The following GCNT1 variants were observed in gnomAD, a reference collection of about 807,000 sequenced individuals.
GCNT1 encodes glucosaminyl (N-acetyl) transferase 1, also known as beta-1,3-galactosyl-O-glycosyl-glycoprotein beta-1,6-N-acetylglucosaminyltransferase.
A neutral mutation model predicts 26.2 loss-of-function variants in GCNT1; 16 were observed. The observed-to-expected ratio is 0.61, with a 90% CI of 0.41 to 0.93. The LOEUF is 0.93. Ranked by LOEUF, GCNT1 falls within the 40% of genes least tolerant of loss-of-function variation. GCNT1 has a pLI of 0.00. For missense variants in GCNT1, 477 were observed against 526.7 expected (o/e 0.91, Z 0.92); for synonymous variants, 183 against 190.8 (o/e 0.96, Z 0.34).
rs578119000 is a variant in GCNT1 at position 76,469,985 on chromosome 9, G to C, written c.-290+9808G>C. 2.6e-5 allele frequency among the ~76,000 whole-genome samples: 4 copies of C among 152,222 alleles called. No individual in the cohort carries two copies. The East Asian group carries it at 7.7e-4, about 29-fold the overall frequency. On this transcript the variant is annotated intron_variant, in intron 2 of 3. Coordinates refer to ENST00000376730, the MANE Select transcript of GCNT1 (RefSeq NM_001490.5). ...GAGCTCTGGGAGCAAGGACCCCCTG[G>C]TAACAGTAGTAGATACATAGAATTT...
At chr9:76,460,335 C>A (rs1823844369) in intron 2 of GCNT1, among the ~76,000 whole-genome samples, 158 bp downstream of exon 2, 1 of 152,222 alleles carries the variant, frequency 6.6e-6, no homozygotes, top group South Asian at 2.1e-4. Flanking sequence ...CAAAGAAAGC[C>A]GTGGTGCCTT....
chr9:76,459,042 G>C (rs1206215819), upstream of GCNT1: 1 of 152,330 alleles, frequency 6.6e-6, no homozygotes, highest in Non-Finnish European at 1.5e-5. Flanking sequence ...TCAGTGCCCA[G>C]AGGGCGCCCT....
upstream of GCNT1, among the ~76,000 whole-genome samples, chr9:76,439,261 G>C (rs1037152695): frequency 2.6e-5 from 3 of 115,714 alleles, no homozygotes; most frequent in Admixed American, 1.3e-4. Flanking sequence ...GTCTCACTCT[G>C]TCTCCCAGGC....
At chr9:76,450,523 C>G (rs1301387926) in intron 1 of GCNT1, among the ~76,000 whole-genome samples, 1 of 152,182 alleles carries the variant, frequency 6.6e-6, no homozygotes. Context: ...ATCTCTACAA[C>G]AGAGAGCAGC....
rs1217607545 is a variant in GCNT1, at chr9:76,505,248, AAGTC to A, written c.*1583_*1586del. 1.1e-5 allele frequency: 3 copies of A among 279,196 alleles called. No homozygotes were observed. Among genetic ancestry groups the A allele is most frequent in the Non-Finnish European group, 2.1e-5 (3 of 141,968 alleles). The allele number at this position is 279,196 out of a possible 1,614,324, so 17.3% of individuals were successfully genotyped here. ...TCAACTGAGAAAACTTTATTTGTCA[AAGTC>A]AGAAAACATTTTCATCTTATTGAGA... is the stretch of plus-strand genomic sequence containing the variant. On this transcript the variant is annotated 3_prime_UTR_variant, in exon 4 of 4. Transcript: ENST00000376730.
rs111932037 is a variant in GCNT1 at position 76,503,675 on chromosome 9, C to A, written c.*7C>A. On this transcript the variant is annotated 3_prime_UTR_variant, in exon 4 of 4. Coordinates refer to ENST00000376730, the MANE Select transcript of GCNT1 (RefSeq NM_001490.5). ...GGAGACATTAAAACACTGACCATTA[C>A]GGGCAATTTTATGAACAAGAAGAAG... is the stretch of plus-strand genomic sequence containing the variant. The A allele has an allele frequency of 1.9e-6, 3 of 1,602,170 alleles. No individual in the cohort carries two copies. Among genetic ancestry groups the A allele is most frequent in the African/African-American group, 1.3e-5 (1 of 74,530 alleles).
chr9:76,436,661 A>T (rs1204407378), intron 1 of GCNT1, among the ~76,000 whole-genome samples: 1 of 151,664 alleles, frequency 6.6e-6, no homozygotes, highest in African/African-American at 2.4e-5. Flanking sequence ...TCGTCCATTT[A>T]CTCAAATAAC....
At chr9:76,452,928 A>G (rs181211349) in intron 1 of GCNT1, among the ~76,000 whole-genome samples, 2 of 152,282 alleles carry the variant, frequency 1.3e-5, no homozygotes, top group Admixed American at 1.3e-4. Context: ...CTATTTGAAC[A>G]AGCCAATTAC....
rs1823332186 is a variant in GCNT1, at chr9:76,431,225, A to AAACT, written n.38+11338_38+11339insAACT. Among the ~76,000 whole-genome samples, 3 of 152,274 alleles carry AAACT rather than the reference A, an allele frequency of 2.0e-5. No individual in the cohort carries two copies. In the South Asian group the frequency reaches 6.2e-4, roughly 32 times the overall value. ...GCACTGAAATTTAGTTCTGACACTA[A>AAACT]CCACATGGAGTTAGCATCAGACTCC... On this transcript the variant is annotated intron_variant and non_coding_transcript_variant, in intron 1 of 3. Coordinates refer to the GCNT1 transcript ENST00000488136.
At chr9:76,471,422 C>T (rs970153560) in intron 2 of GCNT1, among the ~76,000 whole-genome samples, 1 of 152,146 alleles carries the variant, frequency 6.6e-6, no homozygotes, top group East Asian at 1.9e-4. Context: ...CAGAATTGCT[C>T]CCAGGAATGT....
chr9:76,479,599 C>G (rs1308393252), intron 2 of GCNT1, among the ~76,000 whole-genome samples: 1 of 152,224 alleles, frequency 6.6e-6, no homozygotes, highest in Non-Finnish European at 1.5e-5. Flanking sequence ...ATTTGCATTT[C>G]TCTGATGGCC....
chr9:76,415,238 G>A (rs1424465198), upstream of GCNT1, among the ~76,000 whole-genome samples: 1 of 152,152 alleles, frequency 6.6e-6, no homozygotes, highest in Middle Eastern at 3.4e-3. Context: ...TGTATTTCTT[G>A]TGGAGACAGA....
the GCNT1 span, among the ~76,000 whole-genome samples, chr9:76,402,074 A>C: frequency 6.6e-6 from 1 of 152,206 alleles, no homozygotes; most frequent in African/African-American, 2.4e-5. Context: ...TGAGGGCTAC[A>C]GTTGTCTTCA....
At chr9:76,446,219 G>T (rs575038558) in intron 1 of GCNT1, among the ~76,000 whole-genome samples, 1 of 152,228 alleles carries the variant, frequency 6.6e-6, no homozygotes, top group South Asian at 2.1e-4. Context: ...CAGAGATTAT[G>T]CAGGAATGCA....
intron 2 of GCNT1, among the ~76,000 whole-genome samples, chr9:76,461,855 C>T (rs1306995871): frequency 6.6e-6 from 1 of 152,236 alleles, no homozygotes; most frequent in Non-Finnish European, 1.5e-5. Context: ...TGCCACTGCA[C>T]TCAAGCCTGG....
chr9:76,436,866 C>G (rs921582432), upstream of GCNT1, among the ~76,000 whole-genome samples: 2 of 152,004 alleles, frequency 1.3e-5, no homozygotes, highest in Non-Finnish European at 2.9e-5. Context: ...AGACAGAAAA[C>G]CAAACACTGC....
intron 2 of GCNT1, among the ~76,000 whole-genome samples, chr9:76,497,299 C>T (rs546871313): frequency 6.6e-6 from 1 of 152,144 alleles, no homozygotes; most frequent in Non-Finnish European, 1.5e-5. Flanking sequence ...AACTTCTTTT[C>T]TTCTTGGAAA....
chr9:76,426,031 T>A (rs1051621940), intron 1 of GCNT1, among the ~76,000 whole-genome samples: 6 of 152,216 alleles, frequency 3.9e-5, no homozygotes, highest in African/African-American at 1.2e-4. Flanking sequence ...AGCCTCTAGC[T>A]GCATGACTCC....
chr9:76,504,958 C>T lies in GCNT1; in HGVS notation c.*1290C>T, dbSNP rs940891383. 2.7e-5 allele frequency: 11 copies of T among 413,074 alleles called. No individual in the cohort carries two copies. Among genetic ancestry groups the T allele is most frequent in the African/African-American group, 1.6e-4 (8 of 48,550 alleles). 25.6% of individuals were successfully genotyped at this position (413,074 alleles called of 1,614,324 possible). ...TATCATTCACAGCATACGATTTTTA[C>T]TCTCTCCATCTTCACCATAAGACAG... On this transcript the variant is annotated 3_prime_UTR_variant, in exon 4 of 4. Coordinates refer to ENST00000376730, the MANE Select transcript of GCNT1 (RefSeq NM_001490.5).
Sources: allele counts gnomAD v4.1 joint callset (sites outside exome capture counted in the v4.1 genomes callset), GRCh38; gene constraint gnomAD v4.1.1; transcripts MANE v1.5; gene names NCBI Gene and HGNC (gene_info 2026-07-23, HGNC 2026-07-21).